Variants in FBXW10 observed in about 807,000 individuals in gnomAD.
FBXW10 encodes the protein F-box/WD repeat-containing protein 10.
In FBXW10, 68 loss-of-function variants were observed where a neutral mutation model predicts 113.1. The observed-to-expected ratio is 0.60, with a 90% CI of 0.49 to 0.74. FBXW10 has a LOEUF of 0.74. Ranked by LOEUF, FBXW10 falls within the 30% of genes least tolerant of loss-of-function variation. FBXW10 has a pLI of 0.00. For synonymous variants in FBXW10, 289 were observed against 481.6 expected, an observed-to-expected ratio of 0.60 and a Z score of 5.24; for missense variants, 753 against 1,284.5, an observed-to-expected ratio of 0.59 and a Z score of 6.32.
intron 5 of FBXW10, 132 bp downstream of exon 5, chr17:18,751,185 G>A (rs1214091600): frequency 2.4e-6 from 3 of 1,227,618 alleles, no homozygotes; most frequent in Non-Finnish European, 1.1e-6. Flanking sequence ...TAAGGAAGAC[G>A]AGAGTTCTGT....
chr17:18,759,215 C>T (rs2035332390), intron 7 of FBXW10, among the ~76,000 whole-genome samples: 2 of 152,116 alleles, frequency 1.3e-5, no homozygotes, highest in African/African-American at 4.8e-5. Flanking sequence ...AACAAACACT[C>T]ATGCATCCAT....
chr17:18,772,934 T>C (rs899300182), intron 12 of FBXW10, among the ~76,000 whole-genome samples: 38 of 150,792 alleles, frequency 2.5e-4, no homozygotes, highest in Admixed American at 2.5e-3. Context: ...CTTTCTTTTT[T>C]TTTTTTTTTT....
chr17:18,775,480 G>C (rs2035683084), intron 13 of FBXW10, among the ~76,000 whole-genome samples: 2 of 152,292 alleles, frequency 1.3e-5, no homozygotes, highest in South Asian at 4.1e-4. Flanking sequence ...CACAGAGGGA[G>C]AACCTTTCTA....
At chr17:18,758,250 C>T in intron 6 of FBXW10, 55 bp from the exon 7 acceptor site, 2 of 1,379,908 alleles carry the variant, frequency 1.4e-6, no homozygotes, top group Non-Finnish European at 9.8e-7. Context: ...TAAGTCAGTC[C>T]CAGGAGGGAC....
chr17:18,757,792 C>A (rs2035295033), intron 6 of FBXW10, among the ~76,000 whole-genome samples: 1 of 152,206 alleles, frequency 6.6e-6, no homozygotes, highest in South Asian at 2.1e-4. Flanking sequence ...TTTTATGGGA[C>A]AATAAGCTCA....
intron 11 of FBXW10, 84 bp downstream of exon 11, chr17:18,770,169 G>A (rs2151826301): frequency 3.1e-6 from 5 of 1,592,822 alleles, no homozygotes; most frequent in Non-Finnish European, 4.3e-6. Context: ...TACCAGCCCT[G>A]GATTTGCTGT....
chr17:18,773,496 T>G (rs1004505950), intron 12 of FBXW10, among the ~76,000 whole-genome samples: 3 of 152,030 alleles, frequency 2.0e-5, no homozygotes, highest in African/African-American at 7.3e-5. Context: ...GTGTGTGTGT[T>G]TGTGTGTGTG....
At chr17:18,768,493 G>C (rs371567992) in intron 9 of FBXW10, 41 bp from the exon 10 acceptor site, 1 of 1,608,874 alleles carries the variant, frequency 6.2e-7, no homozygotes, top group Non-Finnish European at 8.5e-7. Flanking sequence ...TCTTGGAGGA[G>C]TCACAGTCTG....
At chr17:18,769,498 C>T (rs143834097) in intron 10 of FBXW10, 2,300 of 156,294 alleles carry the variant, frequency 0.015, 62 homozygotes, top group African/African-American at 0.052. Context: ...GACAGCAGGC[C>T]GGGCATGGTG....
intron 5 of FBXW10, among the ~76,000 whole-genome samples, chr17:18,752,334 A>G (rs2035186178): frequency 6.6e-6 from 1 of 152,076 alleles, no homozygotes; most frequent in South Asian, 2.1e-4. Context: ...GAAGATAGAA[A>G]CCTGAGGTAT....
intron 5 of FBXW10, 47 bp from the exon 6 acceptor site, chr17:18,755,998 T>C (rs1270867989): frequency 1.3e-6 from 2 of 1,567,036 alleles, no homozygotes; most frequent in Admixed American, 1.7e-5. Context: ...GGACTGTGGG[T>C]ATTTGAAGTT....
rs538914810 is a variant in FBXW10, at chr17:18,772,598, C to T, written c.2193C>T (p.Ser731=). Residue 731 remains serine (S), a synonymous_variant, in exon 12 of 14, where the codon TCC becomes TCT. Coordinates refer to ENST00000395665, the MANE Select transcript of FBXW10 (RefSeq NM_001267585.2). The part of the protein sequence containing the change: ...IQVHSPRESV[S]SKQTVIQELL... Reference sequence around the variant, plus strand: ...TTCACAGCCCAAGAGAGTCTGTATCCAGTAAACAAACTGTGATCCAAGAGC... The same window carrying T: ...TTCACAGCCCAAGAGAGTCTGTATCTAGTAAACAAACTGTGATCCAAGAGC... 9.3e-6 allele frequency: 15 copies of T among 1,613,800 alleles called. No individual in the cohort carries two copies. The African/African-American group carries it at 2.0e-4, about 22-fold the overall frequency.
intron 5 of FBXW10, among the ~76,000 whole-genome samples, chr17:18,754,863 A>T (rs2035229567): frequency 6.6e-6 from 1 of 152,252 alleles, no homozygotes. Flanking sequence ...CCTGAGTCCC[A>T]GATACCTTAT....
Position 18,744,230 on chromosome 17 carries a change from G to A in FBXW10, c.-15G>A. ...CAAGTGCGCAGGGCTAAAATGGACT[G>A]GTTATCTTAGGATCATGGAAAACCT... On this transcript the variant is annotated 5_prime_UTR_variant, in exon 1 of 14. It introduces an in-frame stop codon into an upstream open reading frame of the 5' UTR. Coordinates refer to ENST00000395665, the MANE Select transcript of FBXW10 (RefSeq NM_001267585.2). The A allele has an allele frequency of 8.7e-7, 1 of 1,149,026 alleles. No individual in the cohort carries two copies. Among genetic ancestry groups the A allele is most frequent in the Non-Finnish European group, 1.3e-6 (1 of 774,234 alleles). The allele number at this position is 1,149,026 out of a possible 1,614,324, so 71.2% of individuals were successfully genotyped here.
At chr17:18,763,925 T>C (rs2035435915) in intron 7 of FBXW10, among the ~76,000 whole-genome samples, 1 of 146,772 alleles carries the variant, frequency 6.8e-6, no homozygotes, top group Non-Finnish European at 1.5e-5. Flanking sequence ...TCCAGTGTTA[T>C]CTCCACTGGT....
chr17:18,770,028 TGTTAAAAGCCAATG>T lies in FBXW10; in HGVS notation c.1951_1964del (p.Leu651GlnfsTer3), dbSNP rs2035583155. On this transcript the variant is annotated frameshift_variant, in exon 11 of 14. Transcript: ENST00000395665. LOFTEE classifies it high-confidence loss of function. The stretch of plus-strand genomic sequence containing the variant: ...TTCCTCAACGGGAACTGTATGAAGG[TGTTAAAAGCCAATG>T]GCAGAGGTGATCCTGTGCTGTCCTT... 1 of 1,613,972 alleles carries T rather than the reference TGTTAAAAGCCAATG, an allele frequency of 6.2e-7. No individual in the cohort carries two copies. The highest frequency in any genetic ancestry group is 1.3e-5 in the African/African-American group (1 of 74,886).
rs1241826821 is a variant in FBXW10 at position 18,753,887 on chromosome 17, AAGAAAG to A, written c.1123-2154_1123-2149del. On this transcript the variant is annotated intron_variant, in intron 5 of 13. Transcript: ENST00000395665. ...GCGAGACTCCATCTCAAAAAAAAAA[AAGAAAG>A]AGAGAGAAAAGGGAGAGAAGCAGAG... Among the ~76,000 whole-genome samples, 42 of 152,130 alleles carry A rather than the reference AAGAAAG, an allele frequency of 2.8e-4. No individual in the cohort carries two copies. The East Asian group carries it at 7.7e-3, about 28-fold the overall frequency.
intron 1 of FBXW10, among the ~76,000 whole-genome samples, chr17:18,746,857 C>A (rs539621794): frequency 6.6e-6 from 1 of 152,122 alleles, no homozygotes; most frequent in African/African-American, 2.4e-5. Context: ...TCCCATTCAC[C>A]ATAGGAATGG....
At chr17:18,776,236 G>A (rs1218420114) in intron 13 of FBXW10, among the ~76,000 whole-genome samples, 3 of 151,920 alleles carry the variant, frequency 2.0e-5, no homozygotes, top group Admixed American at 2.0e-4. Context: ...CAGGGGAATT[G>A]CTTGAACCAG....
Sources: gnomAD v4.1 joint callset for allele counts (sites outside exome capture counted in the v4.1 genomes callset) on GRCh38, gnomAD v4.1.1 for gene constraint, MANE v1.5 for transcripts, NCBI Gene and HGNC (gene_info 2026-07-23, HGNC 2026-07-21) for gene names.